The following HNRNPM variants were observed in gnomAD, a reference collection of about 807,000 sequenced individuals.
The protein encoded by HNRNPM is heterogeneous nuclear ribonucleoprotein M.
HNRNPM carries 11 observed loss-of-function variants against 73.1 expected under a neutral mutation model. That is an observed-to-expected ratio of 0.15 (90% CI 0.09 to 0.25). The LOEUF is 0.25. Among genes scored for constraint, HNRNPM ranks in the 10% least tolerant of loss-of-function variants. HNRNPM has a pLI of 1.00. For missense variants in HNRNPM, 789 were observed against 1,067.9 expected (o/e 0.74, Z 3.64); for synonymous variants, 407 against 355.2 (o/e 1.15, Z -1.64).
chr19:8,448,359 G>A (rs919784328), intron 1 of HNRNPM, among the ~76,000 whole-genome samples: 1 of 152,030 alleles, frequency 6.6e-6, no homozygotes. Flanking sequence ...CAGAGTTAGG[G>A]TATAGTCAGG....
chr19:8,445,956 C>CT (rs2145592931), intron 1 of HNRNPM, among the ~76,000 whole-genome samples: 1 of 152,302 alleles, frequency 6.6e-6, no homozygotes, highest in South Asian at 2.1e-4. Context: ...GCTTGGGGCT[C>CT]TTTGACTCCT....
intron 15 of HNRNPM, chr19:8,487,419 G>C (rs1042808797): frequency 3.4e-6 from 1 of 292,848 alleles, no homozygotes; most frequent in Non-Finnish European, 6.7e-6. Context: ...AGACGAGGTC[G>C]CTTTCCCCTC....
intron 1 of HNRNPM, among the ~76,000 whole-genome samples, chr19:8,450,818 G>C (rs1356901654): frequency 6.6e-6 from 1 of 150,804 alleles, no homozygotes; most frequent in Non-Finnish European, 1.5e-5. Context: ...TCCGCCTCCC[G>C]TTCAAGTGAT....
chr19:8,459,187 A>G (rs1969226365), intron 2 of HNRNPM, among the ~76,000 whole-genome samples: 1 of 152,218 alleles, frequency 6.6e-6, no homozygotes, highest in South Asian at 2.1e-4. Context: ...TTGGCCTTCC[A>G]AAGTGCTAGG....
intron 1 of HNRNPM, among the ~76,000 whole-genome samples, chr19:8,447,733 AAAAAC>A (rs1968303061): frequency 6.6e-6 from 1 of 152,168 alleles, no homozygotes; most frequent in South Asian, 2.1e-4. Context: ...AAAAAAAAGA[AAAAAC>A]AAAACAGGCT....
intron 1 of HNRNPM, among the ~76,000 whole-genome samples, chr19:8,450,989 C>T (rs1432755357): frequency 3.9e-5 from 6 of 152,146 alleles, no homozygotes; most frequent in Non-Finnish European, 8.8e-5. Context: ...TCACTGCAAC[C>T]CCCGCCTCCT....
chr19:8,487,641 C>T (rs1356152386), intron 15 of HNRNPM: 3 of 154,862 alleles, frequency 1.9e-5, no homozygotes, highest in Admixed American at 6.4e-5. Flanking sequence ...CCCCACCCCG[C>T]ATGCACCACC....
chr19:8,450,711 AATT>A (rs748689245), intron 1 of HNRNPM, among the ~76,000 whole-genome samples: 16 of 124,706 alleles, frequency 1.3e-4, no homozygotes, highest in African/African-American at 4.0e-4. Context: ...TAATTTAATT[AATT>A]ATTATTATTA....
At chr19:8,487,168 G>A (rs766494774) in intron 15 of HNRNPM, 93 bp downstream of exon 15, 13 of 1,059,018 alleles carry the variant, frequency 1.2e-5, no homozygotes, top group South Asian at 5.0e-5. Context: ...AGCCCCCTCC[G>A]TCGGCTCAGG....
At position 8,466,555 on chromosome 19, in the gene HNRNPM, C is replaced by T. The variant is rs183222680; in HGVS notation, c.784+167C>T. 1.4e-3 allele frequency among the ~76,000 whole-genome samples: 215 copies of T among 152,110 alleles called. 1 individual carries two copies. The highest frequency in any genetic ancestry group is 3.3e-3 in the Admixed American group (51 of 15,272). On this transcript the variant is annotated intron_variant, in intron 7 of 15. Coordinates refer to ENST00000325495, the MANE Select transcript of HNRNPM (RefSeq NM_005968.5). ...GAGGTTCTCTGGGCCGGACCGGTCA[C>T]GGTGGCTCACGCCTGTAATCCCAGC... is the stretch of plus-strand genomic sequence containing the variant.
chr19:8,454,217 G>A (rs1489614888), intron 1 of HNRNPM, among the ~76,000 whole-genome samples: 1 of 152,168 alleles, frequency 6.6e-6, no homozygotes, highest in African/African-American at 2.4e-5. Flanking sequence ...TCTATGCTCA[G>A]TATTTAATAA....
intron 1 of HNRNPM, among the ~76,000 whole-genome samples, chr19:8,445,975 A>C (rs965568394): frequency 6.6e-6 from 1 of 152,118 alleles, no homozygotes; most frequent in Non-Finnish European, 1.5e-5. Context: ...CTTGGCTTTT[A>C]AAAGTTTCTT....
intron 1 of HNRNPM, among the ~76,000 whole-genome samples, chr19:8,445,964 C>T (rs1007057794): frequency 2.6e-5 from 4 of 152,120 alleles, no homozygotes; most frequent in Admixed American, 6.5e-5. Flanking sequence ...CTCTTTGACT[C>T]CTTGGCTTTT....
At chr19:8,465,267 G>T in intron 5 of HNRNPM, 57 bp from the exon 6 acceptor site, 1 of 1,333,934 alleles carries the variant, frequency 7.5e-7, no homozygotes, top group Non-Finnish European at 1.0e-6. Context: ...TACTGTGCAA[G>T]CATGGTTTGC....
chr19:8,470,104 C>G (rs374738072), intron 9 of HNRNPM, among the ~76,000 whole-genome samples: 2 of 152,252 alleles, frequency 1.3e-5, no homozygotes, highest in Admixed American at 6.5e-5. Flanking sequence ...GAGGAGCACA[C>G]TGCTCCAGGG....
intron 5 of HNRNPM, 155 bp downstream of exon 5, chr19:8,463,841 G>T: frequency 1.7e-6 from 1 of 597,406 alleles, no homozygotes; most frequent in Non-Finnish European, 3.0e-6. Context: ...GCCTACAGCA[G>T]CCATTCCCTG....
intron 14 of HNRNPM, among the ~76,000 whole-genome samples, chr19:8,486,673 CTA>C (rs1971334397): frequency 6.6e-6 from 1 of 152,136 alleles, no homozygotes; most frequent in Non-Finnish European, 1.5e-5. Context: ...TGAAGAGGCA[CTA>C]TGTGTTGCAC....
intron 2 of HNRNPM, among the ~76,000 whole-genome samples, chr19:8,455,784 T>C (rs1476530254): frequency 1.3e-5 from 2 of 150,686 alleles, no homozygotes; most frequent in African/African-American, 4.9e-5. Flanking sequence ...GTCATACCCC[T>C]GTGTGTCAAA....
At chr19:8,454,429 T>C (rs1001332229) in intron 1 of HNRNPM, among the ~76,000 whole-genome samples, 2 of 151,204 alleles carry the variant, frequency 1.3e-5, no homozygotes, top group African/African-American at 4.8e-5. Context: ...TGTGGCTGAA[T>C]AATATCCCAT....
Sources: gnomAD v4.1 joint callset for allele counts (sites outside exome capture counted in the v4.1 genomes callset) on GRCh38, gnomAD v4.1.1 for gene constraint, MANE v1.5 for transcripts, NCBI Gene and HGNC (gene_info 2026-07-23, HGNC 2026-07-21) for gene names.